Variants in LHFPL6 observed in about 807,000 individuals in gnomAD.
LHFPL6 encodes the protein LHFPL tetraspan subfamily member 6 protein.
Under a neutral mutation model 20.6 loss-of-function variants are expected in LHFPL6, and 9 were observed. The ratio of observed to expected loss-of-function variants is 0.44; its 90% CI spans 0.26 to 0.76. The LOEUF (loss-of-function observed/expected upper bound fraction) is 0.76. LHFPL6 is among the 30% of genes least tolerant of loss of function. The pLI, the probability that LHFPL6 is intolerant of heterozygous loss-of-function variation, is 0.20. For synonymous variants in LHFPL6, 105 were observed against 98.7 expected, an observed-to-expected ratio of 1.06 and a Z score of -0.38; for missense variants, 218 against 253.5, an observed-to-expected ratio of 0.86 and a Z score of 0.95.
chr13:39,595,175 T>C (rs1387246594), intron 2 of LHFPL6, among the ~76,000 whole-genome samples: 2 of 151,804 alleles, frequency 1.3e-5, no homozygotes, highest in Non-Finnish European at 2.9e-5. Flanking sequence ...ACATATAAAA[T>C]TTTGTGTTCT....
At chr13:39,420,946 T>C (rs2138395878) in intron 2 of LHFPL6, among the ~76,000 whole-genome samples, 1 of 152,304 alleles carries the variant, frequency 6.6e-6, no homozygotes, top group African/African-American at 2.4e-5. Context: ...TATCTTTAGG[T>C]TCTGAATCTG....
intron 3 of LHFPL6, among the ~76,000 whole-genome samples, chr13:39,365,556 G>T (rs774399605): frequency 2.0e-5 from 3 of 152,158 alleles, no homozygotes; most frequent in Non-Finnish European, 2.9e-5. Context: ...AGTGCAAGAC[G>T]TGGTAAGATA....
chr13:39,594,117 G>A (rs1284922905), intron 2 of LHFPL6, among the ~76,000 whole-genome samples: 1 of 152,092 alleles, frequency 6.6e-6, no homozygotes, highest in Non-Finnish European at 1.5e-5. Flanking sequence ...TTGACAAACG[G>A]GATCTAATTA....
chr13:39,456,252 A>G (rs1224118665), intron 2 of LHFPL6, among the ~76,000 whole-genome samples: 1 of 152,220 alleles, frequency 6.6e-6, no homozygotes, highest in Non-Finnish European at 1.5e-5. Context: ...GCTCTTCCAA[A>G]TTTCAGAGGA....
At chr13:39,562,582 A>T in intron 2 of LHFPL6, among the ~76,000 whole-genome samples, 1 of 117,610 alleles carries the variant, frequency 8.5e-6, no homozygotes. Context: ...ACATATATAC[A>T]CATATATACA....
chr13:39,546,226 C>A (rs1033771673), intron 2 of LHFPL6, among the ~76,000 whole-genome samples: 2 of 152,036 alleles, frequency 1.3e-5, no homozygotes, highest in African/African-American at 4.8e-5. Flanking sequence ...GCTAGTAATA[C>A]ACACCTAACT....
intron 2 of LHFPL6, among the ~76,000 whole-genome samples, chr13:39,588,697 A>G (rs936421823): frequency 6.6e-6 from 1 of 152,232 alleles, no homozygotes; most frequent in Non-Finnish European, 1.5e-5. Context: ...ACTTCCTTTT[A>G]TCTTTGAAAT....
At chr13:39,474,517 T>C (rs1010178171) in intron 2 of LHFPL6, among the ~76,000 whole-genome samples, 3 of 152,186 alleles carry the variant, frequency 2.0e-5, no homozygotes, top group Non-Finnish European at 4.4e-5. Context: ...CAGGATCTCT[T>C]TTTCAAAAGA....
intron 2 of LHFPL6, among the ~76,000 whole-genome samples, chr13:39,550,811 A>T (rs1008944692): frequency 2.6e-5 from 4 of 152,300 alleles, no homozygotes; most frequent in Admixed American, 2.6e-4. Flanking sequence ...TAAGAGAAAC[A>T]TTCCAAAATT....
At chr13:39,455,747 T>G (rs1025956503) in intron 2 of LHFPL6, among the ~76,000 whole-genome samples, 3 of 152,166 alleles carry the variant, frequency 2.0e-5, no homozygotes, top group Admixed American at 1.3e-4. Flanking sequence ...GCTCCAGTCA[T>G]CAGAGGCAAA....
At chr13:39,393,474 G>A (rs1870761278) in intron 2 of LHFPL6, among the ~76,000 whole-genome samples, 1 of 152,210 alleles carries the variant, frequency 6.6e-6, no homozygotes, top group Non-Finnish European at 1.5e-5. Context: ...TAGGGGATGA[G>A]TACATTCTGA....
chr13:39,562,543 TATACATATATACACATAC>T (rs1871551219), intron 2 of LHFPL6, among the ~76,000 whole-genome samples: 2 of 146,548 alleles, frequency 1.4e-5, no homozygotes, highest in South Asian at 2.1e-4. Flanking sequence ...TATATACACA[TATACATATATACACATAC>T]ATATACACAT....
intron 3 of LHFPL6, among the ~76,000 whole-genome samples, chr13:39,349,129 T>C (rs938747608): frequency 5.9e-5 from 9 of 152,184 alleles, no homozygotes; most frequent in African/African-American, 2.2e-4. Context: ...TAATGTTCAA[T>C]GTGATTTAAA....
intron 3 of LHFPL6, among the ~76,000 whole-genome samples, chr13:39,352,661 G>A (rs1023461649): frequency 1.3e-5 from 2 of 151,606 alleles, no homozygotes; most frequent in African/African-American, 4.9e-5. Flanking sequence ...CATTTATCCA[G>A]GCAGAATATC....
At chr13:39,392,962 T>C (rs1015677626) in intron 2 of LHFPL6, among the ~76,000 whole-genome samples, 2 of 152,196 alleles carry the variant, frequency 1.3e-5, no homozygotes, top group African/African-American at 2.4e-5. Flanking sequence ...TTCTTTTCCT[T>C]GTTATTATTC....
At chr13:39,510,114 G>A (rs11618379) in intron 2 of LHFPL6, among the ~76,000 whole-genome samples, 15,875 of 152,202 alleles carry the variant, frequency 0.1, 1,035 homozygotes, top group African/African-American at 0.18. Context: ...GTTACTGACT[G>A]CTCTGCAGAT....
chr13:39,375,885 GTT>G (rs573797320), intron 3 of LHFPL6, among the ~76,000 whole-genome samples: 1 of 149,164 alleles, frequency 6.7e-6, no homozygotes, highest in Non-Finnish European at 1.5e-5. Flanking sequence ...GATGATGCCA[GTT>G]TTTTTTTTCT....
intron 2 of LHFPL6, among the ~76,000 whole-genome samples, chr13:39,481,645 CT>C (rs1868530447): frequency 6.6e-6 from 1 of 152,042 alleles, no homozygotes; most frequent in Non-Finnish European, 1.5e-5. Context: ...CAAAGACCTC[CT>C]AGATTCAATG....
At chr13:39,550,682 G>A (rs1354540584) in intron 2 of LHFPL6, among the ~76,000 whole-genome samples, 2 of 152,020 alleles carry the variant, frequency 1.3e-5, no homozygotes, top group Non-Finnish European at 2.9e-5. Flanking sequence ...CAATTATAAA[G>A]CTATTAACTA....
Sources: allele counts gnomAD v4.1 joint callset (sites outside exome capture counted in the v4.1 genomes callset), GRCh38; gene constraint gnomAD v4.1.1; transcripts MANE v1.5; gene names NCBI Gene and HGNC (gene_info 2026-07-23, HGNC 2026-07-21).